PDE3B: variants seen among roughly 807,000 people sequenced by gnomAD.
PDE3B encodes phosphodiesterase 3B.
Under a neutral mutation model 116.8 loss-of-function variants are expected in PDE3B, and 66 were observed. The ratio of observed to expected loss-of-function variants is 0.56; its 90% CI spans 0.46 to 0.69. The LOEUF is 0.69. Among genes scored for constraint, PDE3B ranks in the 30% least tolerant of loss-of-function variants. PDE3B has a pLI of 0.00. For synonymous variants in PDE3B, 595 were observed against 533.6 expected, an observed-to-expected ratio of 1.12 and a Z score of -1.59; for missense variants, 1,384 against 1,368.1, an observed-to-expected ratio of 1.01 and a Z score of -0.18.
intron 4 of PDE3B, among the ~76,000 whole-genome samples, chr11:14,792,251 G>A (rs1351025010): frequency 6.6e-6 from 1 of 152,062 alleles, no homozygotes; most frequent in African/African-American, 2.4e-5. Flanking sequence ...GATATGGAAA[G>A]CTTTCTAGGT....
rs928369452 is a variant in PDE3B, at chr11:14,870,778, G to A, written c.*1118G>A. 5 of 152,110 alleles carry A rather than the reference G, an allele frequency of 3.3e-5. No homozygotes were observed. In the East Asian group the frequency reaches 9.6e-4, roughly 29 times the overall value. The allele number at this position is 152,110 out of a possible 1,614,324, so 9.4% of individuals were successfully genotyped here. On this transcript the variant is annotated 3_prime_UTR_variant, in exon 16 of 16. Transcript: ENST00000282096. This position sits in a 1 kb window ranked among gnomAD's most constrained non-coding sequence, Gnocchi z 4.1. The stretch of plus-strand genomic sequence containing the variant: ...ATTTCTGAAGCCTAACTGCAAGACT[G>A]ATTTCTGAGAACAAGTAAAGAACTG...
chr11:14,844,702 A>G (rs1200490616), intron 12 of PDE3B, among the ~76,000 whole-genome samples: 1 of 152,224 alleles, frequency 6.6e-6, no homozygotes, highest in East Asian at 1.9e-4. Context: ...CCTGGCTCGG[A>G]GGGTCCTATG....
intron 1 of PDE3B, among the ~76,000 whole-genome samples, chr11:14,672,295 A>G (rs969287089): frequency 1.3e-5 from 2 of 151,882 alleles, no homozygotes; most frequent in African/African-American, 4.8e-5. Context: ...AGGGCTTTTT[A>G]TAGCTATTAC....
At chr11:14,865,321 T>C (rs1848024300) in intron 14 of PDE3B, among the ~76,000 whole-genome samples, 2 of 152,190 alleles carry the variant, frequency 1.3e-5, no homozygotes. Context: ...AACATTTTGT[T>C]ATCTCCAAAA....
At chr11:14,709,217 A>C (rs775656455) in intron 1 of PDE3B, among the ~76,000 whole-genome samples, 6 of 152,164 alleles carry the variant, frequency 3.9e-5, no homozygotes, top group African/African-American at 1.4e-4. Flanking sequence ...TTGAGAATTC[A>C]GAATTGGAGA....
At chr11:14,713,415 C>G (rs1855765865) in intron 1 of PDE3B, among the ~76,000 whole-genome samples, 1 of 152,130 alleles carries the variant, frequency 6.6e-6, no homozygotes, top group Non-Finnish European at 1.5e-5. Flanking sequence ...AAGGCAGACT[C>G]TCCCACATAT....
chr11:14,886,279 T>G, the PDE3B span: 3 of 205,490 alleles, frequency 1.5e-5, no homozygotes, highest in South Asian at 2.9e-4. Flanking sequence ...ATATATTTGA[T>G]ATATATGCTC....
At chr11:14,692,698 C>A (rs1198523657) in intron 1 of PDE3B, among the ~76,000 whole-genome samples, 3 of 152,150 alleles carry the variant, frequency 2.0e-5, no homozygotes, top group Non-Finnish European at 4.4e-5. Flanking sequence ...TGTGTGGGTT[C>A]TGACTGCTCT....
At chr11:14,827,786 G>T (rs1425790530) in intron 7 of PDE3B, among the ~76,000 whole-genome samples, 1 of 152,090 alleles carries the variant, frequency 6.6e-6, no homozygotes. Flanking sequence ...AACTACCAAT[G>T]AAATTCATCA....
intron 14 of PDE3B, among the ~76,000 whole-genome samples, chr11:14,867,064 TAAA>T (rs76676439): frequency 5.1e-5 from 7 of 137,010 alleles, no homozygotes; most frequent in Non-Finnish European, 6.3e-5. Flanking sequence ...GTTCTGCTGT[TAAA>T]AAAAAAAAAA....
Position 14,771,988 on chromosome 11 carries a change from G to A in PDE3B, c.1029+1G>A. ...ACAATGGTATAAGCCTCATTATCAA[G>A]TAAGTATAATTAATATCTGTGATGA... On this transcript the variant is annotated splice_donor_variant, in intron 2 of 15. Transcript: ENST00000282096. LOFTEE classifies it high-confidence loss of function. 1 of 1,200,910 alleles carries A rather than the reference G, an allele frequency of 8.3e-7. No homozygotes were observed. Among genetic ancestry groups the A allele is most frequent in the Non-Finnish European group, 1.2e-6 (1 of 850,770 alleles). 74.4% of individuals were successfully genotyped at this position (1,200,910 alleles called of 1,614,324 possible). A position where few individuals can be genotyped will look rare whatever the true frequency, so the allele number is the denominator to read the frequency against.
chr11:14,837,963 T>C (rs1178966980), intron 11 of PDE3B, among the ~76,000 whole-genome samples: 1 of 152,004 alleles, frequency 6.6e-6, no homozygotes, highest in Non-Finnish European at 1.5e-5. Context: ...AACCCTTATT[T>C]TTTTTTTAAT....
At chr11:14,817,858 A>G (rs1318831591) in intron 5 of PDE3B, among the ~76,000 whole-genome samples, 1 of 152,188 alleles carries the variant, frequency 6.6e-6, no homozygotes, top group African/African-American at 2.4e-5. Context: ...CATAGGTGAA[A>G]GTTAAAGACC....
chr11:14,869,490 A>G lies in PDE3B; in HGVS notation c.3169A>G (p.Ile1057Val). 1 of 1,613,786 alleles carries G rather than the reference A, an allele frequency of 6.2e-7. No homozygotes were observed. The highest frequency in any genetic ancestry group is 8.5e-7 in the Non-Finnish European group (1 of 1,179,948). The change falls in exon 16 of 16, where the codon ATA becomes GTA. Residue 1057 changes from isoleucine to valine, a missense_variant. Physicochemically the swap from Ile to Val is conservative, Grantham distance 29 (BLOSUM62 3). Coordinates refer to ENST00000282096, the MANE Select transcript of PDE3B (RefSeq NM_000922.4). ...ACCAAGAAGGAAAAGCAGACGGCGA[A>G]TATTTTGTCAGCTAATGCACCACCT... ...KPPRRKSRRR[I>V]FCQLMHHLTE...
intron 12 of PDE3B, among the ~76,000 whole-genome samples, chr11:14,849,178 C>T (rs1447144090): frequency 9.9e-5 from 15 of 152,230 alleles, no homozygotes; most frequent in Admixed American, 1.3e-4. Context: ...TCAGAAATAA[C>T]GCTGCATATC....
At chr11:14,892,002 C>G in the PDE3B span, 6 of 1,613,466 alleles carry the variant, frequency 3.7e-6, no homozygotes, top group African/African-American at 1.3e-5. Context: ...CCTGGCTCTG[C>G]TTTCTCATGT....
chr11:14,705,215 A>G (rs1855492640), intron 1 of PDE3B, among the ~76,000 whole-genome samples: 1 of 151,816 alleles, frequency 6.6e-6, no homozygotes, highest in Non-Finnish European at 1.5e-5. Flanking sequence ...ATGCATGTTT[A>G]TAGCAGTTAA....
chr11:14,833,269 G>A (rs1859956984), intron 10 of PDE3B, among the ~76,000 whole-genome samples: 1 of 152,016 alleles, frequency 6.6e-6, no homozygotes, highest in Admixed American at 6.6e-5. Context: ...ATTTTTAAAT[G>A]GAGTTTTAAA....
chr11:14,883,220 C>T, the PDE3B span, among the ~76,000 whole-genome samples: 9 of 151,198 alleles, frequency 6.0e-5, no homozygotes, highest in Non-Finnish European at 1.0e-4. Flanking sequence ...GAGCCTGCAT[C>T]GCCAAGTCAA....
Sources: gnomAD v4.1 joint callset for allele counts (sites outside exome capture counted in the v4.1 genomes callset) on GRCh38, gnomAD v4.1.1 for gene constraint, Gnocchi (gnomAD v3.1) non-coding constraint, MANE v1.5 for transcripts, NCBI Gene and HGNC (gene_info 2026-07-23, HGNC 2026-07-21) for gene names.